The following MACF1 variants were observed in gnomAD, a reference collection of about 807,000 sequenced individuals.
MACF1 encodes microtubule actin crosslinking factor 1.
In MACF1, 193 loss-of-function variants were observed where a neutral mutation model predicts 854.8. The observed-to-expected ratio is 0.23, with a 90% CI of 0.20 to 0.25. MACF1 has a LOEUF of 0.25. Ranked by LOEUF, MACF1 falls within the 10% of genes least tolerant of loss-of-function variation. The pLI, the probability that MACF1 is intolerant of heterozygous loss-of-function variation, is 1.00. For synonymous variants in MACF1, 3,185 were observed against 3,226.7 expected (o/e 0.99, Z 0.44); for missense variants, 7,722 against 8,929.1 (o/e 0.86, Z 5.45).
chr1:39,431,170 C>A (rs783817), intron 66 of MACF1, among the ~76,000 whole-genome samples: 8,457 of 152,188 alleles, frequency 0.056, 300 homozygotes, highest in African/African-American at 0.098. Flanking sequence ...AGCTAATGCC[C>A]TGCTAAGAAG....
At chr1:39,419,798 AGTGTGTGTGTGTGTGTGTGTGT>A (rs3080664) in intron 58 of MACF1, among the ~76,000 whole-genome samples, 2 of 131,054 alleles carry the variant, frequency 1.5e-5, no homozygotes, top group South Asian at 2.7e-4. Context: ...ATGCCTGGCT[AGTGTGTGTGTGTGTGTGTGTGT>A]GTGTGTGTGT....
chr1:39,117,815 C>T (rs1275133266), intron 2 of MACF1, among the ~76,000 whole-genome samples: 2 of 152,082 alleles, frequency 1.3e-5, no homozygotes, highest in East Asian at 1.9e-4. Context: ...AATGTGTAAG[C>T]GGTTGAACAA....
At chr1:39,279,408 T>C (rs878893400) in intron 6 of MACF1, among the ~76,000 whole-genome samples, 3 of 152,196 alleles carry the variant, frequency 2.0e-5, no homozygotes, top group South Asian at 4.1e-4. Context: ...CTTTTTTTTT[T>C]CCAATTTTAA....
chr1:39,193,267 A>G (rs1413765405), intron 2 of MACF1, among the ~76,000 whole-genome samples: 2 of 152,046 alleles, frequency 1.3e-5, no homozygotes, highest in African/African-American at 4.8e-5. Context: ...GAAAAAGCTT[A>G]CTAGATAGAT....
intron 6 of MACF1, among the ~76,000 whole-genome samples, chr1:39,261,721 G>T (rs1230847711): frequency 6.6e-6 from 1 of 152,126 alleles, no homozygotes; most frequent in East Asian, 1.9e-4. Flanking sequence ...ATAGACATTT[G>T]AGTGGTTTTC....
chr1:39,234,818 C>A (rs1472061639), intron 2 of MACF1, among the ~76,000 whole-genome samples: 1 of 99,512 alleles, frequency 1.0e-5, no homozygotes, highest in African/African-American at 3.1e-5. Flanking sequence ...TGCTCCTCAC[C>A]TCCCAGACGG....
In MACF1 at chr1:39,334,135, T is replaced by A; in HGVS notation, c.7547T>A (p.Leu2516His). 1 of 1,614,184 alleles carries A rather than the reference T, an allele frequency of 6.2e-7. No homozygotes were observed. Among genetic ancestry groups the A allele is most frequent in the South Asian group, 1.1e-5 (1 of 91,080 alleles). ...ATTCACCATATATCTGGGATGAGAC[T>A]TTCTGTTGATAATGCCTTCAGACAT... Reference protein sequence around the residue: ...GIIHHISGMRLSVDNAFRHGL... With the variant: ...GIIHHISGMRHSVDNAFRHGL... The change falls in exon 37 of 101, where the codon CTT becomes CAT. Residue 2516 changes from leucine to histidine, a missense_variant. Leu to His is a moderately conservative substitution (Grantham distance 99, BLOSUM62 -3). Transcript: ENST00000564288.
chr1:39,254,126 CG>C (rs1393539739), intron 4 of MACF1, 171 bp from the exon 5 acceptor site: 1 of 583,870 alleles, frequency 1.7e-6, no homozygotes, highest in Non-Finnish European at 3.0e-6. Flanking sequence ...AGAGCCTGGT[CG>C]AAACACGTAC....
intron 1 of MACF1, among the ~76,000 whole-genome samples, chr1:39,227,303 A>C (rs1262075208): frequency 6.6e-6 from 1 of 151,724 alleles, no homozygotes; most frequent in African/African-American, 2.4e-5. Context: ...CAATCTTCTA[A>C]TCATACTTGG....
intron 62 of MACF1, 27 bp downstream of exon 62, chr1:39,427,641 A>G: frequency 6.3e-7 from 1 of 1,595,956 alleles, no homozygotes. Context: ...GTAAATGAAA[A>G]TAGAAAACTG....
intron 58 of MACF1, among the ~76,000 whole-genome samples, chr1:39,416,722 T>C (rs1431178393): frequency 6.6e-6 from 1 of 152,214 alleles, no homozygotes; most frequent in Non-Finnish European, 1.5e-5. Context: ...TTATGAAATA[T>C]TGCCTGATGT....
At chr1:39,132,653 TC>T (rs1643031037) in intron 2 of MACF1, among the ~76,000 whole-genome samples, 1 of 152,120 alleles carries the variant, frequency 6.6e-6, no homozygotes, top group South Asian at 2.1e-4. Context: ...ATGTGATTCC[TC>T]CCCCTTCCTT....
intron 2 of MACF1, among the ~76,000 whole-genome samples, chr1:39,087,795 CAG>C (rs1641710697): frequency 6.6e-6 from 1 of 151,652 alleles, no homozygotes; most frequent in Non-Finnish European, 1.5e-5. Flanking sequence ...TTTTTTGAGA[CAG>C]AGTCTCACTT....
intron 47 of MACF1, among the ~76,000 whole-genome samples, chr1:39,360,376 A>G (rs943923112): frequency 1.3e-5 from 2 of 151,902 alleles, no homozygotes; most frequent in Non-Finnish European, 2.9e-5. Flanking sequence ...TAAGTTGTAG[A>G]TGTCAGATAA....
intron 2 of MACF1, among the ~76,000 whole-genome samples, chr1:39,094,577 G>A (rs1425940555): frequency 6.6e-6 from 1 of 152,080 alleles, no homozygotes; most frequent in Non-Finnish European, 1.5e-5. Context: ...AATTAGCCGG[G>A]CGTGGTGGTG....
chr1:39,291,763 G>A (rs958677421), intron 15 of MACF1, 147 bp from the exon 16 acceptor site: 19 of 671,564 alleles, frequency 2.8e-5, no homozygotes, highest in Non-Finnish European at 4.2e-5. Context: ...TAATTTTTGT[G>A]TAAGAGGCTG....
chr1:39,361,110 A>C, intron 48 of MACF1, 109 bp downstream of exon 48: 1 of 944,960 alleles, frequency 1.1e-6, no homozygotes, highest in Non-Finnish European at 1.6e-6. Flanking sequence ...TGAATCATCT[A>C]ATAAGATTTA....
intron 2 of MACF1, among the ~76,000 whole-genome samples, chr1:39,243,434 C>T (rs1007876496): frequency 2.0e-5 from 3 of 152,178 alleles, no homozygotes; most frequent in African/African-American, 4.8e-5. Context: ...CAGGATCTCA[C>T]TCTGTTGTCC....
At chr1:39,346,858 G>A in intron 40 of MACF1, 119 bp from the exon 41 acceptor site, 1 of 704,862 alleles carries the variant, frequency 1.4e-6, no homozygotes, top group Non-Finnish European at 2.4e-6. Flanking sequence ...AGAATCATTA[G>A]TGCCAGTTAT....
Sources: gnomAD v4.1 joint callset for allele counts (sites outside exome capture counted in the v4.1 genomes callset) on GRCh38, gnomAD v4.1.1 for gene constraint, MANE v1.5 for transcripts, NCBI Gene and HGNC (gene_info 2026-07-23, HGNC 2026-07-21) for gene names.